The following VPS8 variants were observed in gnomAD, a reference collection of about 807,000 sequenced individuals.
VPS8 encodes the protein vacuolar protein sorting-associated protein 8 homolog.
Under a neutral mutation model 216.4 loss-of-function variants are expected in VPS8, and 129 were observed. The observed-to-expected ratio is 0.60, with a 90% CI of 0.52 to 0.69. VPS8 has a LOEUF of 0.69. Ranked by LOEUF, VPS8 falls within the 30% of genes least tolerant of loss-of-function variation. VPS8 has a pLI of 0.00. For synonymous variants in VPS8, 571 were observed against 565.4 expected, an observed-to-expected ratio of 1.01 and a Z score of -0.14; for missense variants, 1,531 against 1,683.5, an observed-to-expected ratio of 0.91 and a Z score of 1.59.
At chr3:184,916,821 T>C (rs1007479955) in intron 28 of VPS8, among the ~76,000 whole-genome samples, 11 of 152,164 alleles carry the variant, frequency 7.2e-5, no homozygotes, top group African/African-American at 2.7e-4. Context: ...TTTTATTTCT[T>C]TAAGGGCTGT....
At chr3:185,019,616 G>C (rs946852884) in intron 45 of VPS8, among the ~76,000 whole-genome samples, 1 of 152,208 alleles carries the variant, frequency 6.6e-6, no homozygotes, top group Non-Finnish European at 1.5e-5. Flanking sequence ...CTATTGTTTG[G>C]GGTTTAAGAA....
chr3:184,914,907 G>A, intron 26 of VPS8, 74 bp from the exon 27 acceptor site: 1 of 1,430,588 alleles, frequency 7.0e-7, no homozygotes, highest in Admixed American at 1.7e-5. Flanking sequence ...TCAAGTTTGA[G>A]AAACAATGTG....
chr3:184,886,716 A>G (rs1731340451), intron 22 of VPS8, among the ~76,000 whole-genome samples: 1 of 151,908 alleles, frequency 6.6e-6, no homozygotes, highest in Non-Finnish European at 1.5e-5. Flanking sequence ...AGTAGCTGGT[A>G]TTACAGGCAT....
chr3:184,861,728 G>T lies in VPS8; in HGVS notation c.1225-1169G>T, dbSNP rs114184538. ...TTACAACAATGTCAACACTTGCAAC[G>T]CTGCGGGTCTAATCTCAGGAATAAT... On this transcript the variant is annotated intron_variant, in intron 15 of 47. Coordinates refer to ENST00000625842, the MANE Select transcript of VPS8 (RefSeq NM_001009921.3). Among the ~76,000 whole-genome samples, 1,402 of 152,218 alleles carry T rather than the reference G, an allele frequency of 9.2e-3. 20 individuals carry two copies. The highest frequency in any genetic ancestry group is 0.033 in the African/African-American group (1,361 of 41,524).
chr3:184,844,064 T>C (rs927722027), intron 8 of VPS8, among the ~76,000 whole-genome samples: 3 of 152,198 alleles, frequency 2.0e-5, no homozygotes, highest in African/African-American at 7.2e-5. Flanking sequence ...TGATCATCGA[T>C]GAAAAATGTT....
chr3:184,830,106 G>T (rs1223395127), intron 3 of VPS8, among the ~76,000 whole-genome samples: 3 of 151,982 alleles, frequency 2.0e-5, no homozygotes, highest in Non-Finnish European at 4.4e-5. Context: ...ACCCTATTTT[G>T]TTCTAAAATC....
At chr3:184,946,363 G>A (rs902655466) in intron 36 of VPS8, among the ~76,000 whole-genome samples, 1 of 152,232 alleles carries the variant, frequency 6.6e-6, no homozygotes, top group African/African-American at 2.4e-5. Flanking sequence ...CTCATGGTTA[G>A]CTTGGCCTGC....
chr3:184,914,663 G>A (rs898268911), intron 26 of VPS8, among the ~76,000 whole-genome samples: 1 of 152,184 alleles, frequency 6.6e-6, no homozygotes, highest in African/African-American at 2.4e-5. Context: ...CTTTCTAGAC[G>A]CTGGGTATGA....
At chr3:185,008,460 T>A (rs1335094977) in intron 45 of VPS8, among the ~76,000 whole-genome samples, 1 of 152,136 alleles carries the variant, frequency 6.6e-6, no homozygotes, top group Non-Finnish European at 1.5e-5. Flanking sequence ...CATAAATAAT[T>A]AGGTAAACAA....
intron 27 of VPS8, 84 bp downstream of exon 27, chr3:184,915,137 C>T (rs1737307034): frequency 4.0e-6 from 6 of 1,482,736 alleles, no homozygotes; most frequent in Non-Finnish European, 5.6e-6. Flanking sequence ...GAGGCTTACA[C>T]GTGGGTCAGG....
intron 36 of VPS8, among the ~76,000 whole-genome samples, chr3:184,943,922 T>TG (rs1260269316): frequency 1.3e-5 from 2 of 150,334 alleles, no homozygotes; most frequent in African/African-American, 2.5e-5. Context: ...GCCAGCATGG[T>TG]GAAACCCCGT....
intron 36 of VPS8, among the ~76,000 whole-genome samples, chr3:184,946,164 G>T (rs1743640548): frequency 6.6e-6 from 1 of 152,318 alleles, no homozygotes; most frequent in South Asian, 2.1e-4. Flanking sequence ...GGCAAGCTAG[G>T]TTACAGTGGC....
At chr3:184,985,116 A>T (rs9290807) in intron 42 of VPS8, among the ~76,000 whole-genome samples, 137,526 of 152,212 alleles carry the variant, frequency 0.9, 63,099 homozygotes, top group Non-Finnish European at 0.98. Flanking sequence ...TACCTTATAT[A>T]TGTACAGAGA....
At position 184,957,540 on chromosome 3, in the gene VPS8, A is replaced by G; in HGVS notation, c.3183+19A>G. The G allele has an allele frequency of 1.3e-6, 2 of 1,597,688 alleles. No individual in the cohort carries two copies. The highest frequency in any genetic ancestry group is 8.5e-7 in the Non-Finnish European group (1 of 1,172,818). The stretch of plus-strand genomic sequence containing the variant: ...TATTCAGGTGAGACGAACAATGTAA[A>G]AGAGACAAGAGTAAACTCTTCTTAA... On this transcript the variant is annotated intron_variant, in intron 37 of 47. Coordinates refer to ENST00000625842, the MANE Select transcript of VPS8 (RefSeq NM_001009921.3).
intron 45 of VPS8, 44 bp downstream of exon 45, chr3:184,999,905 C>G: frequency 6.4e-7 from 1 of 1,557,788 alleles, no homozygotes; most frequent in Non-Finnish European, 8.7e-7. Context: ...TCTTTTCTTA[C>G]CAATGTCATT....
At chr3:184,819,990 A>T (rs1717202033) in intron 1 of VPS8, among the ~76,000 whole-genome samples, 1 of 152,160 alleles carries the variant, frequency 6.6e-6, no homozygotes, top group Non-Finnish European at 1.5e-5. Context: ...CTGAACGTTG[A>T]GTAGGCTGAG....
intron 46 of VPS8, among the ~76,000 whole-genome samples, chr3:185,033,467 T>C (rs1414309542): frequency 8.5e-5 from 13 of 152,240 alleles, no homozygotes; most frequent in Non-Finnish European, 1.5e-4. Context: ...CTCTTTTCTT[T>C]TTATCATTGA....
At position 184,855,782 on chromosome 3, in the gene VPS8, T is replaced by C; in HGVS notation, c.1107T>C (p.Leu369=). The C allele has an allele frequency of 6.2e-7, 1 of 1,613,818 alleles. No individual in the cohort carries two copies. Among genetic ancestry groups the C allele is most frequent in the Non-Finnish European group, 8.5e-7 (1 of 1,179,820 alleles). Residue 369 remains leucine, a synonymous_variant, in exon 14 of 48, where the codon CTT becomes CTC. Transcript: ENST00000625842. Reference sequence around the variant, plus strand: ...TACAAAATTACGTGAATCCCATGCTTGCCTTCTGCAGAGGAGATGTTGTTC... The same window carrying C: ...TACAAAATTACGTGAATCCCATGCTCGCCTTCTGCAGAGGAGATGTTGTTC... ...VAVQNYVNPM[L]AFCRGDVVHF...
At chr3:185,013,757 C>A (rs1293149467) in intron 45 of VPS8, among the ~76,000 whole-genome samples, 2 of 152,218 alleles carry the variant, frequency 1.3e-5, no homozygotes, top group African/African-American at 4.8e-5. Flanking sequence ...TCTTACCGTA[C>A]TTCTTACCAT....
Sources: gnomAD v4.1 joint callset for allele counts (sites outside exome capture counted in the v4.1 genomes callset) on GRCh38, gnomAD v4.1.1 for gene constraint, MANE v1.5 for transcripts, NCBI Gene and HGNC (gene_info 2026-07-23, HGNC 2026-07-21) for gene names.